SLC16A12: variants seen among roughly 807,000 people sequenced by gnomAD.
The protein encoded by SLC16A12 is monocarboxylate transporter 12.
SLC16A12 carries 17 observed loss-of-function variants against 42.4 expected under a neutral mutation model. That is an observed-to-expected ratio of 0.40 (90% CI 0.27 to 0.60). SLC16A12 has a LOEUF of 0.60. SLC16A12 is among the 20% of genes least tolerant of loss of function. The pLI, the probability that SLC16A12 is intolerant of heterozygous loss-of-function variation, is 0.42. For missense variants in SLC16A12, 544 were observed against 623.0 expected (o/e 0.87, Z 1.35); for synonymous variants, 224 against 229.4 (o/e 0.98, Z 0.21).
At chr10:89,455,216 GAT>G (rs1474463116) in intron 3 of SLC16A12, among the ~76,000 whole-genome samples, 1 of 152,072 alleles carries the variant, frequency 6.6e-6, no homozygotes, top group Non-Finnish European at 1.5e-5. Context: ...AGGATCACAT[GAT>G]GTCTAAGAGA....
At chr10:89,451,524 G>T (rs1842096204) in intron 3 of SLC16A12, among the ~76,000 whole-genome samples, 1 of 151,950 alleles carries the variant, frequency 6.6e-6, no homozygotes, top group African/African-American at 2.4e-5. Flanking sequence ...CAATTATCCT[G>T]TCTCAGCCTC....
chr10:89,486,724 G>GA (rs111971306), intron 2 of SLC16A12, among the ~76,000 whole-genome samples: 39,005 of 138,860 alleles, frequency 0.28, 7,406 homozygotes, highest in African/African-American at 0.49. Flanking sequence ...GAAAAAAAGA[G>GA]AAAAACGAAA....
chr10:89,554,682 C>T (rs907519931), intron 2 of SLC16A12, among the ~76,000 whole-genome samples: 5 of 152,036 alleles, frequency 3.3e-5, no homozygotes, highest in Non-Finnish European at 1.5e-5. Flanking sequence ...AACGGTCTTA[C>T]TTTTGGTTGT....
chr10:89,553,198 G>A (rs1470530236), intron 2 of SLC16A12, among the ~76,000 whole-genome samples: 1 of 152,238 alleles, frequency 6.6e-6, no homozygotes, highest in Admixed American at 6.5e-5. Flanking sequence ...ATAACAGAAT[G>A]TCTGACTTGC....
At chr10:89,522,035 C>T (rs1843366298) in intron 2 of SLC16A12, among the ~76,000 whole-genome samples, 1 of 152,162 alleles carries the variant, frequency 6.6e-6, no homozygotes, top group South Asian at 2.1e-4. Flanking sequence ...AGAGGCAGGG[C>T]CCAGTCAACA....
chr10:89,440,534 C>G (rs1036399934), intron 5 of SLC16A12, among the ~76,000 whole-genome samples: 2 of 152,210 alleles, frequency 1.3e-5, no homozygotes, highest in Admixed American at 1.3e-4. Flanking sequence ...CATTGCAGTC[C>G]CACAATCCTA....
chr10:89,543,338 C>T (rs997162596), intron 2 of SLC16A12, among the ~76,000 whole-genome samples: 26 of 152,146 alleles, frequency 1.7e-4, no homozygotes, highest in African/African-American at 6.3e-4. Context: ...CCATCCAACT[C>T]TAGTGATAGT....
chr10:89,471,332 T>C (rs1459674063), intron 2 of SLC16A12, among the ~76,000 whole-genome samples: 2 of 152,206 alleles, frequency 1.3e-5, no homozygotes, highest in Non-Finnish European at 2.9e-5. Flanking sequence ...TCAATATAGA[T>C]TGCTTTCTGT....
chr10:89,496,181 G>A (rs1842919476), intron 2 of SLC16A12, among the ~76,000 whole-genome samples: 1 of 151,636 alleles, frequency 6.6e-6, no homozygotes, highest in Non-Finnish European at 1.5e-5. Flanking sequence ...GACAATTCAG[G>A]GCATGAAAGA....
intron 2 of SLC16A12, among the ~76,000 whole-genome samples, chr10:89,515,091 CA>C (rs59388252): frequency 0.081 from 11,694 of 144,480 alleles, 685 homozygotes; most frequent in East Asian, 0.27. Flanking sequence ...GACTTCATCT[CA>C]AAAAAAAGAA....
intron 2 of SLC16A12, chr10:89,462,867 C>T (rs4934481): frequency 2.8e-6 from 1 of 352,720 alleles, no homozygotes; most frequent in Admixed American, 4.5e-5. Context: ...TTTTCCCTAG[C>T]CTCTCTTGAA....
chr10:89,460,744 CAAAA>C (rs751005622), intron 3 of SLC16A12, among the ~76,000 whole-genome samples: 2 of 68,448 alleles, frequency 2.9e-5, no homozygotes, highest in African/African-American at 5.5e-5. Context: ...GACACTGTCT[CAAAA>C]AAAAAAAAAA....
intron 6 of SLC16A12, 69 bp from the exon 7 acceptor site, chr10:89,436,388 C>A: frequency 6.3e-7 from 1 of 1,577,806 alleles, no homozygotes; most frequent in East Asian, 2.2e-5. Flanking sequence ...AGAGCCACGG[C>A]TATGCAGCAG....
Position 89,436,914 on chromosome 10 carries a change from A to AAGAAAGAAAGAAAGAGAAAG in SLC16A12, c.1029-596_1029-595insCTTTCTCTTTCTTTCTTTCT, listed in dbSNP as rs796398100. Among the ~76,000 whole-genome samples, 854 of 136,550 alleles carry AAGAAAGAAAGAAAGAGAAAG rather than the reference A, an allele frequency of 6.3e-3. 13 individuals carry two copies. Among genetic ancestry groups the AAGAAAGAAAGAAAGAGAAAG allele is most frequent in the Middle Eastern group, 0.011 (3 of 262 alleles). The allele number at this position is 136,550 out of a possible 152,430, so 89.6% of individuals were successfully genotyped here. A position where few individuals can be genotyped will look rare whatever the true frequency, so the allele number is the denominator to read the frequency against. On this transcript the variant is annotated intron_variant, in intron 6 of 7. Coordinates refer to ENST00000371790, the MANE Select transcript of SLC16A12 (RefSeq NM_213606.4). ...AAAGAAAGAAAGAAAGAAAGAAAGAAAAAGAAAGAGTGCATAAATCTCAAA... is the reference window on the plus strand; with the variant it reads ...AAAGAAAGAAAGAAAGAAAGAAAGAAAGAAAGAAAGAAAGAGAAAGAAAGAAAGAGTGCATAAATCTCAAA...
chr10:89,510,969 T>G (rs1843152999), intron 2 of SLC16A12, among the ~76,000 whole-genome samples: 2 of 151,952 alleles, frequency 1.3e-5, no homozygotes, highest in Non-Finnish European at 2.9e-5. Flanking sequence ...GCCAACAAAC[T>G]TATAAAAAAA....
intron 2 of SLC16A12, among the ~76,000 whole-genome samples, chr10:89,474,911 T>A (rs1274882141): frequency 6.6e-6 from 1 of 152,212 alleles, no homozygotes; most frequent in African/African-American, 2.4e-5. Flanking sequence ...TCAAAGCTTG[T>A]GCTCTTATTC....
At chr10:89,555,415 C>A (rs924460093) in intron 2 of SLC16A12, among the ~76,000 whole-genome samples, 4 of 145,624 alleles carry the variant, frequency 2.7e-5, no homozygotes, top group African/African-American at 2.5e-5. Flanking sequence ...GTGCTGGGTA[C>A]AAACACAGTT....
chr10:89,453,157 A>G (rs1842123310), intron 3 of SLC16A12, among the ~76,000 whole-genome samples: 5 of 152,248 alleles, frequency 3.3e-5, no homozygotes, highest in Admixed American at 2.6e-4. Context: ...TAATTATATC[A>G]GAACTTGGAG....
upstream of SLC16A12, among the ~76,000 whole-genome samples, chr10:89,537,621 C>T (rs1843688348): frequency 6.6e-6 from 1 of 152,190 alleles, no homozygotes. Context: ...CCTGACCTCT[C>T]AGCCGTGAAG....
Sources: gnomAD v4.1 joint callset for allele counts (sites outside exome capture counted in the v4.1 genomes callset) on GRCh38, gnomAD v4.1.1 for gene constraint, MANE v1.5 for transcripts, NCBI Gene and HGNC (gene_info 2026-07-23, HGNC 2026-07-21) for gene names.